The following KPNA7 variants were observed in gnomAD, a reference collection of about 807,000 sequenced individuals.
The protein encoded by KPNA7 is importin subunit alpha-8.
In KPNA7, 54 loss-of-function variants were observed where a neutral mutation model predicts 53.7. The ratio of observed to expected loss-of-function variants is 1.01; its 90% CI spans 0.81 to 1.26. KPNA7 has a LOEUF of 1.26. Among genes scored for constraint, KPNA7 ranks in the 50% most tolerant of loss-of-function variants. The pLI, the probability that KPNA7 is intolerant of heterozygous loss-of-function variation, is 0.00. For synonymous variants in KPNA7, 276 were observed against 259.3 expected (o/e 1.06, Z -0.62); for missense variants, 640 against 644.5 (o/e 0.99, Z 0.07).
At position 99,206,682 on chromosome 7, in the gene KPNA7, G is replaced by C. The variant is rs565245769; in HGVS notation, c.66+719C>G. Reference sequence around the variant, plus strand: ...GAGGTCTTGGTATGTTACCCAGGCTGGTCTAGAACTCCTATCTTCAAGCGA... The same window carrying C: ...GAGGTCTTGGTATGTTACCCAGGCTCGTCTAGAACTCCTATCTTCAAGCGA... On this transcript the variant is annotated intron_variant, in intron 2 of 10. Coordinates refer to ENST00000327442, the MANE Select transcript of KPNA7 (RefSeq NM_001145715.3). 8.5e-5 allele frequency among the ~76,000 whole-genome samples: 13 copies of C among 152,150 alleles called. No individual in the cohort carries two copies. In the South Asian group the frequency reaches 2.7e-3, roughly 32 times the overall value.
downstream of KPNA7, among the ~76,000 whole-genome samples, chr7:99,171,692 CCTGAG>C (rs1391412280): frequency 6.6e-6 from 1 of 152,094 alleles, no homozygotes; most frequent in Non-Finnish European, 1.5e-5. Context: ...GCAAGGCTGC[CCTGAG>C]CTGAGCTGTG....
intron 6 of KPNA7, among the ~76,000 whole-genome samples, chr7:99,189,178 C>A (rs984699666): frequency 6.6e-6 from 1 of 152,212 alleles, no homozygotes; most frequent in Non-Finnish European, 1.5e-5. Context: ...GTTACTTGGT[C>A]TTCCCACTGG....
Position 99,177,973 on chromosome 7 carries a change from T to A in KPNA7, c.1411A>T (p.Asn471Tyr). The A allele has an allele frequency of 1.9e-6, 3 of 1,551,950 alleles. No individual in the cohort carries two copies. Among genetic ancestry groups the A allele is most frequent in the Non-Finnish European group, 1.7e-6 (2 of 1,147,060 alleles). ...DRIEALQLHE[N>Y]RQIGQSALNI... The stretch of plus-strand genomic sequence containing the variant: ...AAAGCCGACTGGCCAATTTGACGGT[T>A]CTCATGCAGCTGTAAAGCCTCAATT... The change falls in exon 10 of 11, where the codon AAC becomes TAC. Residue 471 changes from asparagine (N) to tyrosine (Y), a missense_variant. Asn to Tyr is a moderately radical substitution (Grantham distance 143). Coordinates refer to ENST00000327442, the MANE Select transcript of KPNA7 (RefSeq NM_001145715.3).
chr7:99,150,450 T>C, the KPNA7 span, among the ~76,000 whole-genome samples: 12 of 113,300 alleles, frequency 1.1e-4, no homozygotes, highest in East Asian at 3.4e-3. Flanking sequence ...GTTTCACTCT[T>C]GTTGCCCAGG....
At chr7:99,193,331 C>T (rs1208910680) in intron 5 of KPNA7, among the ~76,000 whole-genome samples, 1 of 152,148 alleles carries the variant, frequency 6.6e-6, no homozygotes, top group Non-Finnish European at 1.5e-5. Context: ...AGAAGCAGAG[C>T]CAGCCAACTC....
upstream of KPNA7, among the ~76,000 whole-genome samples, chr7:99,210,209 T>C (rs1459958339): frequency 2.6e-5 from 4 of 152,112 alleles, no homozygotes; most frequent in Non-Finnish European, 5.9e-5. Flanking sequence ...TCCAGGTTCA[T>C]TGTACTCGGG....
intron 3 of KPNA7, 117 bp from the exon 4 acceptor site, chr7:99,196,283 T>C (rs1016982956): frequency 6.4e-5 from 44 of 683,080 alleles, no homozygotes; most frequent in Non-Finnish European, 1.0e-4. Context: ...ATGTCCCATC[T>C]TGCATGCTGT....
At chr7:99,200,301 G>A (rs141621237) in intron 3 of KPNA7, among the ~76,000 whole-genome samples, 11,300 of 152,208 alleles carry the variant, frequency 0.074, 613 homozygotes, top group African/African-American at 0.15. Flanking sequence ...GCCTCCCAAT[G>A]TGTTGGGATT....
downstream of KPNA7, among the ~76,000 whole-genome samples, chr7:99,169,901 C>A (rs1428472889): frequency 6.6e-6 from 1 of 152,040 alleles, no homozygotes; most frequent in African/African-American, 2.4e-5. Flanking sequence ...ATTAGCCGGG[C>A]ATGGTGGCTT....
chr7:99,191,103 C>T (rs867282185), intron 6 of KPNA7, among the ~76,000 whole-genome samples: 7 of 152,062 alleles, frequency 4.6e-5, no homozygotes, highest in African/African-American at 1.2e-4. Context: ...CTCCCTTTCA[C>T]GTCTAGAATG....
chr7:99,182,034 C>G lies in KPNA7; in HGVS notation c.1166G>C (p.Trp389Ser). 6.5e-7 allele frequency: 1 copy of G among 1,544,084 alleles called. No homozygotes were observed. The highest frequency in any genetic ancestry group is 2.5e-5 in the East Asian group (1 of 40,668). Residue 389 changes from tryptophan to serine, a missense_variant, in exon 9 of 11, where the codon TGG becomes TCG. Transcript: ENST00000327442. ...CCCTGTTGCAAAGTTCGCCACCATC[C>G]AGACAGCCTCTTTCTGGACTTTAAA... ...GEFKVQKEAV[W>S]MVANFATGAT...
At chr7:99,146,768 T>C in the KPNA7 span, among the ~76,000 whole-genome samples, 1 of 140,126 alleles carries the variant, frequency 7.1e-6, no homozygotes, top group Admixed American at 7.2e-5. Context: ...ATGCATTTAC[T>C]ACACCTAAGC....
At chr7:99,177,870 C>T in intron 10 of KPNA7, 50 bp downstream of exon 10, 1 of 1,540,612 alleles carries the variant, frequency 6.5e-7, no homozygotes, top group Non-Finnish European at 8.8e-7. Context: ...CTCTGCAGAG[C>T]TGCCCCACCA....
chr7:99,196,311 G>T, intron 3 of KPNA7, 145 bp from the exon 4 acceptor site: 1 of 622,174 alleles, frequency 1.6e-6, no homozygotes, highest in South Asian at 1.9e-5. Context: ...TTGGGGAGGG[G>T]AGAATATAGT....
chr7:99,185,127 C>T lies in KPNA7; in HGVS notation c.936G>A (p.Thr312=), dbSNP rs10953283. 928,821 of 1,551,322 alleles carry T rather than the reference C, an allele frequency of 0.6. 287,352 individuals carry two copies. The highest frequency in any genetic ancestry group is 0.65 in the East Asian group (26,422 of 40,880). Residue 312 remains threonine (T), a synonymous_variant, in exon 8 of 11, where the codon ACG becomes ACA. Coordinates refer to ENST00000327442, the MANE Select transcript of KPNA7 (RefSeq NM_001145715.3). ...PSLRTVGNIV[T]GTDEQTQMAI... is the part of the protein sequence containing the mutation. ...CCATCTGCGTCTGCTCATCTGTGCC[C>T]GTGACAATGTTCCCCACGGTGCGGA... is the stretch of plus-strand genomic sequence containing the variant.
intron 10 of KPNA7, among the ~76,000 whole-genome samples, chr7:99,174,421 C>T (rs2150693328): frequency 6.6e-6 from 1 of 152,188 alleles, no homozygotes. Flanking sequence ...AAATGTAATG[C>T]TCTTGAATCA....
chr7:99,215,858 C>A (rs943962622), intron 1 of KPNA7, among the ~76,000 whole-genome samples: 2 of 151,882 alleles, frequency 1.3e-5, no homozygotes, highest in African/African-American at 4.8e-5. Flanking sequence ...ACTGCAGTCC[C>A]AGCTACTCAG....
chr7:99,207,485 G>T lies in KPNA7; in HGVS notation c.-19C>A. The stretch of plus-strand genomic sequence containing the variant: ...TCGGCATATTGACTGGAAGTAGTAA[G>T]TTACCTGCAGGTTGGACAGCAACAA... On this transcript the variant is annotated 5_prime_UTR_variant, in exon 2 of 11. Transcript: ENST00000327442. 6.5e-7 allele frequency: 1 copy of T among 1,541,438 alleles called. No homozygotes were observed. The highest frequency in any genetic ancestry group is 1.4e-5 in the African/African-American group (1 of 72,914).
At chr7:99,171,930 A>G (rs1798778103), downstream of KPNA7, among the ~76,000 whole-genome samples, 1 of 152,188 alleles carries the variant, frequency 6.6e-6, no homozygotes, top group African/African-American at 2.4e-5. Context: ...AGAGCTCTCC[A>G]GTGGGTGTGG....
Sources: allele counts gnomAD v4.1 joint callset (sites outside exome capture counted in the v4.1 genomes callset), GRCh38; gene constraint gnomAD v4.1.1; transcripts MANE v1.5; gene names NCBI Gene and HGNC (gene_info 2026-07-23, HGNC 2026-07-21).